The following PPP2R2B variants were observed in gnomAD, a reference collection of about 807,000 sequenced individuals.
PPP2R2B encodes the protein protein phosphatase 2 regulatory subunit Bbeta.
Under a neutral mutation model 46.0 loss-of-function variants are expected in PPP2R2B, and 5 were observed. The ratio of observed to expected loss-of-function variants is 0.11; its 90% confidence interval spans 0.06 to 0.23. The LOEUF (loss-of-function observed/expected upper bound fraction) is 0.23. Among genes scored for constraint, PPP2R2B ranks in the 10% least tolerant of loss-of-function variants. The probability of loss-of-function intolerance (pLI) is 1.00; values close to 1 mark genes in which losing one functional copy is unlikely to be tolerated. For synonymous variants in PPP2R2B, 215 were observed against 206.7 expected (o/e 1.04, Z -0.34); for missense variants, 367 against 575.0 (o/e 0.64, Z 3.70).
chr5:146,697,315 G>T (rs1779230879), intron 4 of PPP2R2B, among the ~76,000 whole-genome samples: 1 of 152,176 alleles, frequency 6.6e-6, no homozygotes, highest in Non-Finnish European at 1.5e-5. Flanking sequence ...GAACCTGGAG[G>T]TTAGGTAATT....
At chr5:146,925,398 A>T (rs941763161) in intron 1 of PPP2R2B, among the ~76,000 whole-genome samples, 1 of 152,176 alleles carries the variant, frequency 6.6e-6, no homozygotes, top group African/African-American at 2.4e-5. Flanking sequence ...TTTGAAGGAT[A>T]GTTTTGTTAG....
At chr5:146,958,797 C>T (rs1485238900) in intron 1 of PPP2R2B, among the ~76,000 whole-genome samples, 2 of 152,152 alleles carry the variant, frequency 1.3e-5, no homozygotes, top group Non-Finnish European at 2.9e-5. Flanking sequence ...TTACTATCTT[C>T]CGAGTGCCTT....
At chr5:146,740,974 T>G (rs1364128531) in intron 2 of PPP2R2B, among the ~76,000 whole-genome samples, 1 of 148,202 alleles carries the variant, frequency 6.7e-6, no homozygotes, top group Non-Finnish European at 1.5e-5. Flanking sequence ...GAGGCGGAGG[T>G]GGCAGTGAGC....
intron 1 of PPP2R2B, among the ~76,000 whole-genome samples, chr5:147,054,240 G>A (rs1756964268): frequency 3.3e-5 from 5 of 152,206 alleles, no homozygotes; most frequent in Middle Eastern, 3.4e-3. Context: ...GTCTAAGCAG[G>A]CAGGAGAGGA....
chr5:147,015,147 A>AATTAGGTTGTAAATTAGGTTT (rs1561577906), intron 1 of PPP2R2B, among the ~76,000 whole-genome samples: 2 of 151,846 alleles, frequency 1.3e-5, no homozygotes, highest in South Asian at 2.1e-4. Context: ...TAGTACATAA[A>AATTAGGTTGTAAATTAGGTTT]ACAGTGCCTG....
chr5:146,886,110 G>A lies in PPP2R2B; in HGVS notation c.79+169555C>T, dbSNP rs184947827. Among the ~76,000 whole-genome samples the A allele has an allele frequency of 2.4e-3, 370 of 152,176 alleles. 2 individuals carry two copies. The highest frequency in any genetic ancestry group is 8.5e-3 in the African/African-American group (353 of 41,526). On this transcript the variant is annotated intron_variant, in intron 1 of 8. Coordinates refer to the PPP2R2B transcript ENST00000336640. ...CCCCAACACTTTGGGAGGCCGAGGC[G>A]GGCGGATCACGAGGTCAGGAGATCG...
intron 2 of PPP2R2B, among the ~76,000 whole-genome samples, chr5:146,718,294 G>A (rs1780608340): frequency 1.3e-5 from 2 of 151,990 alleles, no homozygotes; most frequent in African/African-American, 4.8e-5. Context: ...AGGCTGAGGT[G>A]GGAAGACAGA....
chr5:146,724,476 G>T (rs779000854), intron 2 of PPP2R2B, among the ~76,000 whole-genome samples: 3 of 152,136 alleles, frequency 2.0e-5, no homozygotes, highest in Non-Finnish European at 4.4e-5. Flanking sequence ...TCGACTCACA[G>T]GGAACACTGA....
intron 2 of PPP2R2B, among the ~76,000 whole-genome samples, chr5:146,793,674 G>C (rs1454939016): frequency 1.3e-5 from 2 of 152,160 alleles, no homozygotes; most frequent in African/African-American, 4.8e-5. Context: ...TGACTCTAGA[G>C]TCTGTGTTCC....
chr5:146,682,885 C>G (rs1031977993), intron 5 of PPP2R2B, among the ~76,000 whole-genome samples: 1 of 152,156 alleles, frequency 6.6e-6, no homozygotes, highest in Non-Finnish European at 1.5e-5. Flanking sequence ...TAATGTTGTC[C>G]TCAGACTGAT....
At chr5:146,775,448 T>C (rs561473034) in intron 2 of PPP2R2B, among the ~76,000 whole-genome samples, 7 of 152,280 alleles carry the variant, frequency 4.6e-5, no homozygotes, top group African/African-American at 1.7e-4. Context: ...CAAATATCCT[T>C]TCATGATAAA....
chr5:146,842,593 G>T (rs952368916), intron 2 of PPP2R2B, among the ~76,000 whole-genome samples: 3 of 151,148 alleles, frequency 2.0e-5, no homozygotes, highest in African/African-American at 7.3e-5. Context: ...TCATCACCCA[G>T]GTATTAAGCT....
chr5:147,012,749 G>C (rs1332880549), intron 1 of PPP2R2B, among the ~76,000 whole-genome samples: 5 of 151,610 alleles, frequency 3.3e-5, no homozygotes, highest in African/African-American at 4.9e-5. Context: ...ACACTGCTTT[G>C]AATGCGTCCC....
At chr5:146,629,452 C>T (rs946020155) in intron 7 of PPP2R2B, among the ~76,000 whole-genome samples, 1 of 152,142 alleles carries the variant, frequency 6.6e-6, no homozygotes, top group African/African-American at 2.4e-5. Context: ...TTCACTGTGC[C>T]CACCCTGGTC....
chr5:146,844,174 AG>A (rs774100705), intron 2 of PPP2R2B, among the ~76,000 whole-genome samples: 8,202 of 119,716 alleles, frequency 0.069, 488 homozygotes, highest in African/African-American at 0.17. Flanking sequence ...GGACACAGGA[AG>A]GGGAATATCA....
chr5:146,901,196 A>C (rs982594080), intron 1 of PPP2R2B, among the ~76,000 whole-genome samples: 1 of 152,176 alleles, frequency 6.6e-6, no homozygotes, highest in Non-Finnish European at 1.5e-5. Context: ...TATTGGTGCT[A>C]ACATAAAATA....
chr5:146,980,233 A>G (rs1055233010), intron 1 of PPP2R2B, among the ~76,000 whole-genome samples: 1 of 152,170 alleles, frequency 6.6e-6, no homozygotes, highest in Non-Finnish European at 1.5e-5. Flanking sequence ...CACATCTCCC[A>G]ACTAGATGTT....
intron 1 of PPP2R2B, among the ~76,000 whole-genome samples, chr5:146,951,884 G>T (rs1000968433): frequency 4.6e-5 from 7 of 151,846 alleles, no homozygotes; most frequent in African/African-American, 7.3e-5. Context: ...CCAGTAATGG[G>T]ATTGCTGGGT....
At chr5:146,637,252 T>C (rs1774885226) in intron 7 of PPP2R2B, among the ~76,000 whole-genome samples, 1 of 152,330 alleles carries the variant, frequency 6.6e-6, no homozygotes, top group Admixed American at 6.5e-5. Context: ...TGAATTGTAG[T>C]CTAGATCAGT....
Sources: allele counts gnomAD v4.1 joint callset (sites outside exome capture counted in the v4.1 genomes callset), GRCh38; gene constraint gnomAD v4.1.1; transcripts MANE v1.5; gene names NCBI Gene and HGNC (gene_info 2026-07-23, HGNC 2026-07-21).